The following SYCE3 variants were observed in gnomAD, a reference collection of about 807,000 sequenced individuals.
The protein encoded by SYCE3 is synaptonemal complex central element protein 3.
A neutral mutation model predicts 8.1 loss-of-function variants in SYCE3; 3 were observed. The observed-to-expected ratio is 0.37, with a 90% CI of 0.17 to 0.96. The LOEUF is 0.96. SYCE3 is among the 40% of genes least tolerant of loss of function. The pLI is 0.41. For missense variants in SYCE3, 83 were observed against 110.0 expected, an observed-to-expected ratio of 0.75 and a Z score of 1.10; for synonymous variants, 36 against 38.7, an observed-to-expected ratio of 0.93 and a Z score of 0.26.
chr22:50,558,427 A>C (rs1264639274), intron 1 of SYCE3, among the ~76,000 whole-genome samples: 1 of 148,196 alleles, frequency 6.7e-6, no homozygotes, highest in Non-Finnish European at 1.5e-5. Flanking sequence ...GCGAAACTTC[A>C]TCTCAAAAAA....
At chr22:50,553,193 C>T (rs114594991) in intron 2 of SYCE3, among the ~76,000 whole-genome samples, 2,203 of 142,450 alleles carry the variant, frequency 0.015, 51 homozygotes, top group African/African-American at 0.061. Flanking sequence ...CAGAGTATGA[C>T]CCTGTCTCAA....
intron 2 of SYCE3, among the ~76,000 whole-genome samples, chr22:50,553,613 C>T (rs191553540): frequency 7.9e-5 from 12 of 152,204 alleles, no homozygotes; most frequent in Admixed American, 2.0e-4. Flanking sequence ...GAGAGAGTCT[C>T]GCTCCGTCAC....
intron 2 of SYCE3, among the ~76,000 whole-genome samples, chr22:50,554,612 T>G (rs1353699128): frequency 2.0e-5 from 3 of 147,658 alleles, no homozygotes; most frequent in Non-Finnish European, 4.4e-5. Context: ...GGGAATCACT[T>G]GAACCCGAGA....
At chr22:50,559,699 G>A (rs1226411796) in intron 1 of SYCE3, among the ~76,000 whole-genome samples, 1 of 152,134 alleles carries the variant, frequency 6.6e-6, no homozygotes, top group African/African-American at 2.4e-5. Context: ...GGAAGGCAGA[G>A]GCGGGGGATC....
intron 1 of SYCE3, among the ~76,000 whole-genome samples, chr22:50,558,076 A>C (rs748906182): frequency 5.3e-5 from 8 of 152,188 alleles, no homozygotes; most frequent in Admixed American, 1.3e-4. Flanking sequence ...AGTGCTTAAT[A>C]AATGTTGGCT....
chr22:50,553,161 T>A (rs1375764214), intron 2 of SYCE3, among the ~76,000 whole-genome samples: 2 of 151,996 alleles, frequency 1.3e-5, no homozygotes, highest in Non-Finnish European at 2.9e-5. Flanking sequence ...AAGATTGCAC[T>A]ACTGCACTCC....
intron 1 of SYCE3, among the ~76,000 whole-genome samples, chr22:50,561,129 G>T (rs2069910496): frequency 6.6e-6 from 1 of 152,190 alleles, no homozygotes; most frequent in Admixed American, 6.5e-5. Context: ...GATGGACAAG[G>T]TAAGGACACT....
chr22:50,551,330 C>T lies in SYCE3; in HGVS notation c.182G>A (p.Arg61Gln), dbSNP rs779134539. 4.3e-5 allele frequency: 67 copies of T among 1,551,182 alleles called. No individual in the cohort carries two copies. Among genetic ancestry groups the T allele is most frequent in the East Asian group, 7.3e-5 (3 of 40,908 alleles). Residue 61 changes from arginine (R) to glutamine (Q), a missense_variant, in exon 3 of 3, where the codon CGG (arginine) becomes CAG (glutamine). Arg to Gln is a conservative substitution (Grantham distance 43). Coordinates refer to ENST00000406915, the MANE Select transcript of SYCE3 (RefSeq NM_001123225.3). ...TNPTLAESMR[R>Q]LEDAFVNCKE... ...GCAGTTGACGAAGGCATCCTCCAGC[C>T]GACGCATGGACTCGGCCAGCGTAGG...
rs183370224 is a variant in SYCE3 at position 50,556,928 on chromosome 22, C to T, written c.1-523G>A. Among the ~76,000 whole-genome samples, 343 of 152,018 alleles carry T rather than the reference C, an allele frequency of 2.3e-3. 4 individuals carry two copies. The highest frequency in any genetic ancestry group is 7.9e-3 in the African/African-American group (328 of 41,462). ...ACATCAAGCGATGGGAGCCTGGAGGCGGGTACGTTTAATTTTAAAATATGA... is the reference window on the plus strand; with the variant it reads ...ACATCAAGCGATGGGAGCCTGGAGGTGGGTACGTTTAATTTTAAAATATGA... On this transcript the variant is annotated intron_variant, in intron 1 of 2. Coordinates refer to ENST00000406915, the MANE Select transcript of SYCE3 (RefSeq NM_001123225.3).
intron 1 of SYCE3, among the ~76,000 whole-genome samples, chr22:50,560,288 C>T (rs891261090): frequency 2.0e-5 from 3 of 152,052 alleles, no homozygotes; most frequent in East Asian, 3.9e-4. Context: ...TGCTTGAAGC[C>T]AGGAGTTTCA....
intron 2 of SYCE3, among the ~76,000 whole-genome samples, chr22:50,555,983 C>T (rs148268456): frequency 0.015 from 2,236 of 152,038 alleles, 53 homozygotes; most frequent in African/African-American, 0.05. Flanking sequence ...TTAGTAGAGA[C>T]GAGGTTTTAC....
Position 50,551,474 on chromosome 22 carries a change from G to A in SYCE3, c.110-72C>T, listed in dbSNP as rs926610062. On this transcript the variant is annotated intron_variant, in intron 2 of 2. Transcript: ENST00000406915. ...GCTCTGGGGTGCCCCAGAAGGGTCA[G>A]ATGCCTCCAGCTGGGCTCAGCATCT... 1.6e-5 allele frequency: 23 copies of A among 1,469,956 alleles called. No individual in the cohort carries two copies. The Admixed American group carries it at 4.8e-4, about 31-fold the overall frequency. The allele number at this position is 1,469,956 out of a possible 1,614,324, so 91.1% of individuals were successfully genotyped here.
chr22:50,555,078 C>G (rs911821139), intron 2 of SYCE3, among the ~76,000 whole-genome samples: 5 of 150,910 alleles, frequency 3.3e-5, no homozygotes, highest in African/African-American at 1.2e-4. Context: ...GCCGAGATCA[C>G]GCCACTGTAC....
intron 1 of SYCE3, among the ~76,000 whole-genome samples, chr22:50,559,434 C>T (rs6009929): frequency 0.084 from 12,791 of 152,096 alleles, 1,200 homozygotes; most frequent in African/African-American, 0.23. Flanking sequence ...GCCAGAACTT[C>T]GATTTTTATT....
chr22:50,557,532 A>C (rs1445419562), intron 1 of SYCE3, among the ~76,000 whole-genome samples: 5 of 152,142 alleles, frequency 3.3e-5, no homozygotes, highest in Non-Finnish European at 5.9e-5. Flanking sequence ...AATTGAAATA[A>C]ATTATATACT....
In SYCE3 at chr22:50,551,397, C is replaced by G. The variant is rs2069807800; in HGVS notation, c.115G>C (p.Ala39Pro). Residue 39 changes from alanine to proline, a missense_variant, in exon 3 of 3, where the codon GCG becomes CCG. Transcript: ENST00000406915. ...ACCATGTCATAGGCCATCCAGGTCG[C>G]CTGCACTGCAACAAGCAGACAGGAC... ...LEEMEKISVQ[A>P]TWMAYDMVVM... 6.5e-7 allele frequency: 1 copy of G among 1,549,216 alleles called. No individual in the cohort carries two copies. The highest frequency in any genetic ancestry group is 1.2e-5 in the South Asian group (1 of 84,062).
At chr22:50,561,400 C>T (rs2069913799) in intron 1 of SYCE3, among the ~76,000 whole-genome samples, 1 of 151,944 alleles carries the variant, frequency 6.6e-6, no homozygotes, top group African/African-American at 2.4e-5. Context: ...TTAGAATTCA[C>T]GGCATTTCTT....
chr22:50,555,086 T>C (rs966025565), intron 2 of SYCE3, among the ~76,000 whole-genome samples: 22 of 139,794 alleles, frequency 1.6e-4, no homozygotes, highest in East Asian at 1.3e-3. Flanking sequence ...CACGCCACTG[T>C]ACTCCAGCCT....
intron 2 of SYCE3, among the ~76,000 whole-genome samples, chr22:50,555,206 C>T (rs58101335): frequency 0.084 from 12,711 of 152,130 alleles, 1,175 homozygotes; most frequent in African/African-American, 0.23. Flanking sequence ...GGCTGTGTCA[C>T]AGATAAGTGT....
Sources: allele counts gnomAD v4.1 joint callset (sites outside exome capture counted in the v4.1 genomes callset), GRCh38; gene constraint gnomAD v4.1.1; transcripts MANE v1.5; gene names NCBI Gene and HGNC (gene_info 2026-07-23, HGNC 2026-07-21).